OLFM3: variants seen among roughly 807,000 people sequenced by gnomAD.
The protein encoded by OLFM3 is noelin-3.
Under a neutral mutation model 48.6 loss-of-function variants are expected in OLFM3, and 20 were observed. The observed-to-expected ratio is 0.41, with a 90% confidence interval of 0.29 to 0.60. OLFM3 has a LOEUF of 0.60. Among genes scored for constraint, OLFM3 ranks in the 20% least tolerant of loss-of-function variants. OLFM3 has a pLI of 0.28. For synonymous variants in OLFM3, 222 were observed against 198.1 expected, an observed-to-expected ratio of 1.12 and a Z score of -1.01; for missense variants, 437 against 544.3, an observed-to-expected ratio of 0.80 and a Z score of 1.96.
At chr1:101,885,319 T>C (rs1391225716) in intron 1 of OLFM3, among the ~76,000 whole-genome samples, 1 of 152,030 alleles carries the variant, frequency 6.6e-6, no homozygotes, top group Non-Finnish European at 1.5e-5. Context: ...AAACAGAAAG[T>C]ATCTGATTAT....
intron 1 of OLFM3, among the ~76,000 whole-genome samples, chr1:101,850,847 G>C (rs957399742): frequency 2.0e-5 from 3 of 151,990 alleles, no homozygotes; most frequent in African/African-American, 7.2e-5. Flanking sequence ...TTCAGGCAGA[G>C]GGGAAAGTGG....
chr1:101,829,336 T>C (rs1298349790), intron 3 of OLFM3, among the ~76,000 whole-genome samples: 2 of 152,236 alleles, frequency 1.3e-5, no homozygotes, highest in Non-Finnish European at 2.9e-5. Context: ...CTTAACCTGC[T>C]GGTTTTGTGT....
At chr1:101,856,103 T>C (rs940790380) in intron 1 of OLFM3, among the ~76,000 whole-genome samples, 2 of 151,994 alleles carry the variant, frequency 1.3e-5, no homozygotes, top group African/African-American at 2.4e-5. Context: ...TAGGGTTTTA[T>C]GTAGCAGCAT....
intron 1 of OLFM3, among the ~76,000 whole-genome samples, chr1:101,930,071 C>T (rs149073464): frequency 1.1e-4 from 17 of 152,252 alleles, no homozygotes; most frequent in African/African-American, 4.1e-4. Context: ...GCATAATAAA[C>T]TTACTGCTGG....
chr1:101,986,405 A>G (rs537469405), intron 1 of OLFM3, among the ~76,000 whole-genome samples: 1 of 152,302 alleles, frequency 6.6e-6, no homozygotes, highest in Non-Finnish European at 1.5e-5. Flanking sequence ...CCAGGGCCAT[A>G]CAACTAGATA....
At chr1:101,964,858 T>C (rs1260013941) in intron 1 of OLFM3, among the ~76,000 whole-genome samples, 2 of 152,188 alleles carry the variant, frequency 1.3e-5, no homozygotes, top group Admixed American at 6.5e-5. Context: ...AGAAACTGGG[T>C]TAGATGAAAG....
intron 1 of OLFM3, among the ~76,000 whole-genome samples, chr1:101,927,111 T>C (rs2101044323): frequency 6.6e-6 from 1 of 152,248 alleles, no homozygotes; most frequent in African/African-American, 2.4e-5. Context: ...ATTTTTTACA[T>C]ATGACTACTT....
rs547256982 is a variant in OLFM3 at position 101,885,048 on chromosome 1, A to G, written c.70-48023T>C. 4.6e-5 allele frequency among the ~76,000 whole-genome samples: 7 copies of G among 152,154 alleles called. No homozygotes were observed. The South Asian group carries it at 1.5e-3, about 32-fold the overall frequency. On this transcript the variant is annotated intron_variant, in intron 1 of 5. Transcript: ENST00000370103. ...CCATTGAAGATGTCATTGTTCTTAT[A>G]GAAAAATCCATGAAAGCCACGGAAG...
intron 1 of OLFM3, among the ~76,000 whole-genome samples, chr1:101,854,429 T>C (rs1044768772): frequency 6.6e-6 from 1 of 152,066 alleles, no homozygotes; most frequent in Non-Finnish European, 1.5e-5. Flanking sequence ...TGACTGATGC[T>C]CTATAAGCCC....
At chr1:101,973,964 C>T (rs951252290) in intron 1 of OLFM3, among the ~76,000 whole-genome samples, 2 of 151,662 alleles carry the variant, frequency 1.3e-5, no homozygotes, top group Non-Finnish European at 2.9e-5. Flanking sequence ...AGACCATCCA[C>T]CCTTAAAAAA....
At chr1:101,967,461 T>C (rs1479752831) in intron 1 of OLFM3, among the ~76,000 whole-genome samples, 2 of 151,972 alleles carry the variant, frequency 1.3e-5, no homozygotes, top group Admixed American at 6.6e-5. Context: ...TTCCCTTATG[T>C]AACAGTCAAA....
At chr1:101,991,146 G>T (rs1389626275) in intron 1 of OLFM3, among the ~76,000 whole-genome samples, 1 of 129,586 alleles carries the variant, frequency 7.7e-6, no homozygotes, top group Non-Finnish European at 1.7e-5. Flanking sequence ...TCATATTGTA[G>T]ATTTAAACCA....
At chr1:101,978,748 T>C (rs1173541024) in intron 1 of OLFM3, among the ~76,000 whole-genome samples, 1 of 152,150 alleles carries the variant, frequency 6.6e-6, no homozygotes, top group East Asian at 1.9e-4. Context: ...CTCAACAACA[T>C]TGCAGTACTT....
At chr1:101,900,992 T>G (rs1658369758) in intron 1 of OLFM3, among the ~76,000 whole-genome samples, 2 of 152,244 alleles carry the variant, frequency 1.3e-5, no homozygotes, top group Non-Finnish European at 2.9e-5. Flanking sequence ...CTCTATGACC[T>G]TTCTATTTAT....
At chr1:101,963,153 G>A (rs4908203) in intron 1 of OLFM3, among the ~76,000 whole-genome samples, 31,669 of 152,058 alleles carry the variant, frequency 0.21, 3,723 homozygotes, top group East Asian at 0.5. Context: ...CTTCTGGGTC[G>A]CCCTATTGGG....
At chr1:101,877,339 A>C (rs1657342097) in intron 1 of OLFM3, among the ~76,000 whole-genome samples, 1 of 151,936 alleles carries the variant, frequency 6.6e-6, no homozygotes, top group African/African-American at 2.4e-5. Context: ...GGACTTCTTG[A>C]TACCAGCAAG....
intron 1 of OLFM3, among the ~76,000 whole-genome samples, chr1:101,957,855 T>C (rs74107200): frequency 0.02 from 2,979 of 152,166 alleles, 91 homozygotes; most frequent in African/African-American, 0.068. Context: ...CTGTAGACAA[T>C]ACTTTCTTCC....
At chr1:101,854,652 T>C (rs1038503318) in intron 1 of OLFM3, among the ~76,000 whole-genome samples, 2 of 152,042 alleles carry the variant, frequency 1.3e-5, no homozygotes, top group African/African-American at 4.8e-5. Flanking sequence ...TACCTTGCTT[T>C]GGGTCTTAGG....
intron 1 of OLFM3, chr1:101,893,096 T>C (rs1658066085): frequency 5.8e-6 from 1 of 172,248 alleles, no homozygotes; most frequent in African/African-American, 2.4e-5. Flanking sequence ...CAATTTTTGG[T>C]TTCTGAAGAG....
Sources: allele counts gnomAD v4.1 joint callset (sites outside exome capture counted in the v4.1 genomes callset), GRCh38; gene constraint gnomAD v4.1.1; transcripts MANE v1.5; gene names NCBI Gene and HGNC (gene_info 2026-07-23, HGNC 2026-07-21).